The following MICAL2 variants were observed in gnomAD, a reference collection of about 807,000 sequenced individuals.
The protein encoded by MICAL2 is [F-actin]-monooxygenase MICAL2.
A neutral mutation model predicts 127.3 loss-of-function variants in MICAL2; 77 were observed. The ratio of observed to expected loss-of-function variants is 0.60; its 90% confidence interval spans 0.50 to 0.73. The LOEUF is 0.73. MICAL2 is among the 30% of genes least tolerant of loss of function. MICAL2 has a pLI of 0.00. For missense variants in MICAL2, 1,351 were observed against 1,434.4 expected, an observed-to-expected ratio of 0.94 and a Z score of 0.94; for synonymous variants, 570 against 551.1, an observed-to-expected ratio of 1.03 and a Z score of -0.48.
intron 3 of MICAL2, among the ~76,000 whole-genome samples, chr11:12,172,671 T>C (rs1856411195): frequency 1.3e-5 from 2 of 151,742 alleles, no homozygotes; most frequent in Admixed American, 1.3e-4. Context: ...AAAAATGGAA[T>C]GTATTGGGTG....
chr11:12,138,213 C>T (rs1349745194), intron 1 of MICAL2, among the ~76,000 whole-genome samples, 177 bp from the exon 2 acceptor site: 2 of 148,338 alleles, frequency 1.3e-5, no homozygotes, highest in African/African-American at 5.0e-5. Flanking sequence ...TTCCTTTCTT[C>T]ACGTGCAAAA....
At chr11:12,228,274 G>C (rs1208560900) in intron 15 of MICAL2, among the ~76,000 whole-genome samples, 1 of 152,150 alleles carries the variant, frequency 6.6e-6, no homozygotes, top group African/African-American at 2.4e-5. Context: ...AGGTTGCAGT[G>C]AGCCGAGATT....
chr11:12,323,956 T>G, intron 30 of MICAL2: 1 of 1,588,960 alleles, frequency 6.3e-7, no homozygotes, highest in Non-Finnish European at 8.5e-7. Context: ...GACATAATTT[T>G]TTTCTCCATT....
chr11:12,329,862 G>GAAAAA (rs59395634), intron 32 of MICAL2, among the ~76,000 whole-genome samples: 139 of 121,808 alleles, frequency 1.1e-3, no homozygotes, highest in East Asian at 2.7e-3. Context: ...CCCCAAATAT[G>GAAAAA]AAAAAAAAAA....
chr11:12,311,655 C>G (rs957563685), intron 29 of MICAL2, among the ~76,000 whole-genome samples: 1 of 152,236 alleles, frequency 6.6e-6, no homozygotes, highest in Non-Finnish European at 1.5e-5. Context: ...ATCCACCTGC[C>G]TCGGCCTCCC....
At chr11:12,216,727 G>A (rs550549576) in intron 8 of MICAL2, among the ~76,000 whole-genome samples, 136 of 152,194 alleles carry the variant, frequency 8.9e-4, no homozygotes, top group African/African-American at 3.1e-3. Context: ...CACAGTGTGG[G>A]GGAATTTCAT....
intron 5 of MICAL2, 71 bp from the exon 6 acceptor site, chr11:12,209,426 C>T (rs756387619): frequency 5.6e-6 from 7 of 1,240,932 alleles, no homozygotes; most frequent in Non-Finnish European, 8.3e-6. Flanking sequence ...CTCATAGCCA[C>T]CACACGGGGG....
At chr11:12,330,900 A>G (rs11022303) in intron 32 of MICAL2, among the ~76,000 whole-genome samples, 2 of 119,348 alleles carry the variant, frequency 1.7e-5, no homozygotes, top group Admixed American at 8.5e-5. Flanking sequence ...AGAGAGAGAG[A>G]GTGTGTGTGT....
At chr11:12,307,506 C>A (rs1278886297) in intron 29 of MICAL2, among the ~76,000 whole-genome samples, 1 of 152,172 alleles carries the variant, frequency 6.6e-6, no homozygotes, top group African/African-American at 2.4e-5. Context: ...CTCGAAGTCA[C>A]TAAGAATTCC....
At chr11:12,351,821 C>T (rs1201668759) in intron 33 of MICAL2, among the ~76,000 whole-genome samples, 4 of 151,280 alleles carry the variant, frequency 2.6e-5, no homozygotes, top group Admixed American at 2.6e-4. Context: ...GACAGAGTCT[C>T]GCTCTTTCAC....
At chr11:12,185,394 C>G (rs930783413) in intron 3 of MICAL2, among the ~76,000 whole-genome samples, 6 of 152,114 alleles carry the variant, frequency 3.9e-5, no homozygotes, top group African/African-American at 1.4e-4. Flanking sequence ...ATTGGCCATT[C>G]CATCATGCCT....
chr11:12,248,332 C>T (rs1861048770), intron 21 of MICAL2, among the ~76,000 whole-genome samples: 1 of 152,152 alleles, frequency 6.6e-6, no homozygotes, highest in Non-Finnish European at 1.5e-5. Flanking sequence ...AGTTTTATGT[C>T]CCCAGAACCA....
chr11:12,303,429 T>C (rs1459795046), intron 29 of MICAL2: 1 of 152,244 alleles, frequency 6.6e-6, no homozygotes, highest in East Asian at 1.9e-4. Flanking sequence ...ATTTAAAAAC[T>C]GAAGCAGTGT....
chr11:12,156,127 G>T lies in MICAL2; in HGVS notation c.-77-5952G>T, dbSNP rs553927062. Among the ~76,000 whole-genome samples, 15 of 152,336 alleles carry T rather than the reference G, an allele frequency of 9.8e-5. No individual in the cohort carries two copies. In the South Asian group the frequency reaches 1.2e-3, roughly 13 times the overall value. On this transcript the variant is annotated intron_variant, in intron 2 of 27. Transcript: ENST00000683283. ...AAGGCCAGGGCCTGCAGTGGACCTG[G>T]GGTCTCTCCCCAGCACTCCAGCCCT...
chr11:12,314,673 A>T (rs1309554270), intron 29 of MICAL2, among the ~76,000 whole-genome samples: 3 of 62,818 alleles, frequency 4.8e-5, no homozygotes, highest in Non-Finnish European at 1.1e-4. Context: ...TTTTTAGTAG[A>T]GACGGGGTTT....
At chr11:12,284,995 G>C (rs1298327856) in intron 2 of MICAL2, among the ~76,000 whole-genome samples, 1 of 152,222 alleles carries the variant, frequency 6.6e-6, no homozygotes, top group Admixed American at 6.5e-5. Flanking sequence ...AATTTACACA[G>C]AGCTGGCTGT....
At chr11:12,279,192 G>T (rs555181322) in intron 1 of MICAL2, among the ~76,000 whole-genome samples, 1 of 152,304 alleles carries the variant, frequency 6.6e-6, no homozygotes, top group East Asian at 1.9e-4. Flanking sequence ...CAAGAGGGAG[G>T]GTTTGGTTCT....
At chr11:12,271,972 G>C (rs1863680415), upstream of MICAL2, among the ~76,000 whole-genome samples, 1 of 152,182 alleles carries the variant, frequency 6.6e-6, no homozygotes, top group Non-Finnish European at 1.5e-5. Flanking sequence ...CCTGATGTCT[G>C]GGTTCACTGT....
In MICAL2 at chr11:12,311,969, G is replaced by A. The variant is rs1191906526; in HGVS notation, c.5213-7727G>A. ...TCTTGTGTTTGTTTTGGCAAATTGTGTTTCCAATGAATTTATTCAACCTAT... is the reference window on the plus strand; with the variant it reads ...TCTTGTGTTTGTTTTGGCAAATTGTATTTCCAATGAATTTATTCAACCTAT... On this transcript the variant is annotated intron_variant, in intron 29 of 34. Coordinates refer to the MICAL2 transcript ENST00000646065. Among the ~76,000 whole-genome samples, 4 of 151,666 alleles carry A rather than the reference G, an allele frequency of 2.6e-5. No individual in the cohort carries two copies. The South Asian group carries it at 8.3e-4, about 31-fold the overall frequency.
Sources: gnomAD v4.1 joint callset for allele counts (sites outside exome capture counted in the v4.1 genomes callset) on GRCh38, gnomAD v4.1.1 for gene constraint, MANE v1.5 for transcripts, NCBI Gene and HGNC (gene_info 2026-07-23, HGNC 2026-07-21) for gene names.